Variants in PTPRD observed in about 807,000 individuals in gnomAD.
The protein encoded by PTPRD is protein tyrosine phosphatase receptor type D.
Under a neutral mutation model 214.5 loss-of-function variants are expected in PTPRD, and 34 were observed. The ratio of observed to expected loss-of-function variants is 0.16; its 90% CI spans 0.12 to 0.21. The LOEUF (loss-of-function observed/expected upper bound fraction) is 0.21. Among genes scored for constraint, PTPRD ranks in the 10% least tolerant of loss-of-function variants. PTPRD has a pLI of 1.00. For synonymous variants in PTPRD, 1,128 were observed against 845.7 expected (o/e 1.33, Z -5.79); for missense variants, 2,545 against 2,398.7 (o/e 1.06, Z -1.27).
At chr9:8,494,840 T>C (rs1455585649) in intron 26 of PTPRD, among the ~76,000 whole-genome samples, 1 of 152,200 alleles carries the variant, frequency 6.6e-6, no homozygotes, top group African/African-American at 2.4e-5. Flanking sequence ...ATTTTCTTTC[T>C]TTAAGTGGTG....
At chr9:9,095,046 C>G (rs1475129615) in intron 10 of PTPRD, among the ~76,000 whole-genome samples, 1 of 152,122 alleles carries the variant, frequency 6.6e-6, no homozygotes, top group African/African-American at 2.4e-5. Context: ...CAACTGATAT[C>G]AACATCCATT....
intron 2 of PTPRD, among the ~76,000 whole-genome samples, chr9:10,454,561 C>A (rs556934821): frequency 1.3e-5 from 2 of 151,788 alleles, no homozygotes; most frequent in South Asian, 2.1e-4. Flanking sequence ...TGAAAAGATA[C>A]AAACCATTAC....
At chr9:8,759,242 G>C (rs1361160647) in intron 11 of PTPRD, among the ~76,000 whole-genome samples, 1 of 152,002 alleles carries the variant, frequency 6.6e-6, no homozygotes, top group Non-Finnish European at 1.5e-5. Flanking sequence ...CATAGAGATA[G>C]GGTTCTACTA....
At chr9:9,369,848 A>C (rs905510877) in intron 9 of PTPRD, among the ~76,000 whole-genome samples, 29 of 151,942 alleles carry the variant, frequency 1.9e-4, no homozygotes, top group Non-Finnish European at 2.8e-4. Context: ...GTTTTCCCAG[A>C]ACCATTTATT....
chr9:10,561,082 T>C (rs2063844999), intron 2 of PTPRD, among the ~76,000 whole-genome samples: 2 of 152,200 alleles, frequency 1.3e-5, no homozygotes, highest in Non-Finnish European at 1.5e-5. Context: ...ATATATAAAA[T>C]TGACTTCAAT....
chr9:10,280,203 C>T (rs1038439113), intron 3 of PTPRD, among the ~76,000 whole-genome samples: 2 of 151,852 alleles, frequency 1.3e-5, no homozygotes, highest in African/African-American at 4.8e-5. Context: ...AAGTTTCCTT[C>T]CAAAATTACC....
intron 11 of PTPRD, among the ~76,000 whole-genome samples, chr9:8,872,104 G>A (rs2098311263): frequency 6.6e-6 from 1 of 152,160 alleles, no homozygotes; most frequent in African/African-American, 2.4e-5. Flanking sequence ...AACAAAAACT[G>A]AAAAGTTTAT....
intron 10 of PTPRD, among the ~76,000 whole-genome samples, chr9:9,097,180 T>C (rs2099784705): frequency 1.3e-5 from 2 of 152,162 alleles, no homozygotes; most frequent in African/African-American, 4.8e-5. Flanking sequence ...TCTTCTGATT[T>C]GCAAGCATAG....
intron 7 of PTPRD, among the ~76,000 whole-genome samples, chr9:9,660,290 T>A (rs1278352309): frequency 6.6e-6 from 1 of 151,878 alleles, no homozygotes; most frequent in Admixed American, 6.6e-5. Context: ...GATTTACACA[T>A]TAACAGAACA....
intron 5 of PTPRD, among the ~76,000 whole-genome samples, chr9:9,872,129 T>C (rs1461787430): frequency 1.3e-5 from 2 of 152,142 alleles, no homozygotes; most frequent in Non-Finnish European, 2.9e-5. Context: ...CTTGCACTTA[T>C]CCATCAAAGT....
chr9:10,103,377 T>TTA lies in PTPRD; in HGVS notation c.-544-69589_-544-69588dup, dbSNP rs1185795827. On this transcript the variant is annotated intron_variant, in intron 3 of 45. Transcript: ENST00000381196. ...GAGTTATGACATTTTAAACTGCATA[T>TTA]TATATATATATATATATTTATTTAA... is the stretch of plus-strand genomic sequence containing the variant. Among the ~76,000 whole-genome samples the TTA allele has an allele frequency of 5.1e-3, 366 of 72,390 alleles. 19 individuals carry two copies. The highest frequency in any genetic ancestry group is 0.014 in the African/African-American group (198 of 13,702). 47.5% of individuals were successfully genotyped at this position (72,390 alleles called of 152,430 possible).
chr9:9,355,934 G>A (rs2053589260), intron 9 of PTPRD, among the ~76,000 whole-genome samples: 1 of 151,334 alleles, frequency 6.6e-6, no homozygotes, highest in African/African-American at 2.4e-5. Context: ...TAAAGAGGAA[G>A]GAGTGATAAA....
At chr9:8,527,418 G>C (rs935328946) in intron 15 of PTPRD, 65 bp from the exon 16 acceptor site, 12 of 1,495,996 alleles carry the variant, frequency 8.0e-6, no homozygotes, top group East Asian at 2.3e-5. Flanking sequence ...CTTATAATTT[G>C]GTACAAATTT....
chr9:9,325,287 T>A (rs1307335857), intron 9 of PTPRD, among the ~76,000 whole-genome samples: 1 of 152,206 alleles, frequency 6.6e-6, no homozygotes, highest in Non-Finnish European at 1.5e-5. Context: ...TTGGGCAGTA[T>A]GGCCATTTTC....
chr9:8,627,163 CTTT>C (rs370517407), intron 14 of PTPRD, among the ~76,000 whole-genome samples: 77 of 151,932 alleles, frequency 5.1e-4, no homozygotes, highest in African/African-American at 1.8e-3. Context: ...CACTTGAGCA[CTTT>C]TTATTTCCCA....
intron 9 of PTPRD, among the ~76,000 whole-genome samples, chr9:9,318,704 A>C (rs1964771239): frequency 6.6e-6 from 1 of 152,184 alleles, no homozygotes; most frequent in Non-Finnish European, 1.5e-5. Context: ...ATGTTTTTTA[A>C]TACAACACAG....
At chr9:10,327,128 T>C (rs1415171977) in intron 3 of PTPRD, among the ~76,000 whole-genome samples, 1 of 147,980 alleles carries the variant, frequency 6.8e-6, no homozygotes, top group Admixed American at 6.9e-5. Flanking sequence ...ATAAATATAT[T>C]ACAGATATAT....
intron 6 of PTPRD, among the ~76,000 whole-genome samples, chr9:9,751,975 A>G (rs2098524893): frequency 2.0e-5 from 3 of 152,134 alleles, no homozygotes; most frequent in Admixed American, 1.3e-4. Flanking sequence ...AAACATAACC[A>G]TTTGGTAGAT....
At chr9:10,265,281 C>A (rs2093979372) in intron 3 of PTPRD, among the ~76,000 whole-genome samples, 1 of 152,138 alleles carries the variant, frequency 6.6e-6, no homozygotes, top group Non-Finnish European at 1.5e-5. Flanking sequence ...TAAGTCTGGG[C>A]TAGCCTGTAC....
Sources: gnomAD v4.1 joint callset for allele counts (sites outside exome capture counted in the v4.1 genomes callset) on GRCh38, gnomAD v4.1.1 for gene constraint, MANE v1.5 for transcripts, NCBI Gene and HGNC (gene_info 2026-07-23, HGNC 2026-07-21) for gene names.